The following RHOBTB1 variants were observed in gnomAD, a reference collection of about 807,000 sequenced individuals.
RHOBTB1 encodes the protein rho-related BTB domain-containing protein 1.
In RHOBTB1, 40 loss-of-function variants were observed where a neutral mutation model predicts 71.6. The observed-to-expected ratio is 0.56, with a 90% CI of 0.43 to 0.73. The LOEUF (loss-of-function observed/expected upper bound fraction) is 0.73. RHOBTB1 is among the 30% of genes least tolerant of loss of function. RHOBTB1 has a pLI of 0.00. For synonymous variants in RHOBTB1, 319 were observed against 334.9 expected (o/e 0.95, Z 0.52); for missense variants, 797 against 894.0 (o/e 0.89, Z 1.38).
At chr10:60,887,895 A>G (rs1011146849) in intron 6 of RHOBTB1, among the ~76,000 whole-genome samples, 1 of 152,138 alleles carries the variant, frequency 6.6e-6, no homozygotes, top group Non-Finnish European at 1.5e-5. Flanking sequence ...ATGGTGGTTT[A>G]TGGAACAGGT....
chr10:60,938,776 C>T (rs957624624), intron 2 of RHOBTB1, among the ~76,000 whole-genome samples: 6 of 152,038 alleles, frequency 3.9e-5, no homozygotes, highest in Admixed American at 1.3e-4. Flanking sequence ...TCTTAGACAG[C>T]GTTGGGTGCA....
intron 2 of RHOBTB1, among the ~76,000 whole-genome samples, chr10:60,980,754 TC>T (rs1332877807): frequency 2.0e-5 from 3 of 152,206 alleles, no homozygotes; most frequent in Non-Finnish European, 4.4e-5. Context: ...TTCTACTCAA[TC>T]TTTCTGGCAG....
At chr10:60,880,052 G>C (rs972488330) in intron 7 of RHOBTB1, among the ~76,000 whole-genome samples, 1 of 152,124 alleles carries the variant, frequency 6.6e-6, no homozygotes, top group African/African-American at 2.4e-5. Context: ...GTATACAGGA[G>C]GATGTGCACA....
At chr10:60,899,741 A>G (rs2082324430) in intron 4 of RHOBTB1, among the ~76,000 whole-genome samples, 1 of 152,182 alleles carries the variant, frequency 6.6e-6, no homozygotes, top group Admixed American at 6.5e-5. Context: ...AAAGACACAA[A>G]CTGCTGTCCT....
chr10:60,928,572 T>G (rs1286696861), intron 2 of RHOBTB1, among the ~76,000 whole-genome samples: 1 of 151,474 alleles, frequency 6.6e-6, no homozygotes, highest in Non-Finnish European at 1.5e-5. Flanking sequence ...TCCAAAAAAT[T>G]TGAGCTCATG....
intron 2 of RHOBTB1, among the ~76,000 whole-genome samples, chr10:60,912,437 T>C (rs927236740): frequency 2.6e-4 from 40 of 152,264 alleles, no homozygotes; most frequent in African/African-American, 8.7e-4. Flanking sequence ...TTTTACCATG[T>C]TGGCCAGCTG....
Position 60,888,431 on chromosome 10 carries a change from T to G in RHOBTB1, c.1237A>C (p.Thr413Pro). The change falls in exon 6 of 11, where the codon ACC becomes CCC. Residue 413 changes from threonine to proline, a missense_variant. Physicochemically the swap from Thr to Pro is conservative, Grantham distance 38. Around this residue, in one of 2 missense-constraint regions of RHOBTB1, gnomAD observed 658 missense variants for 681.5 expected, o/e 0.97. Coordinates refer to ENST00000337910, the MANE Select transcript of RHOBTB1 (RefSeq NM_014836.5). ...DASVQPGPFR[T>P]LLQFLYTGQL... ...CCCGTATAAAGAAACTGGAGCAGGG[T>G]CCGAAAAGGGCCTGGCTGGACTGAA... 1 of 1,614,088 alleles carries G rather than the reference T, an allele frequency of 6.2e-7. No individual in the cohort carries two copies.
chr10:60,933,787 A>T (rs956813327), intron 2 of RHOBTB1, among the ~76,000 whole-genome samples: 1 of 150,436 alleles, frequency 6.6e-6, no homozygotes, highest in Non-Finnish European at 1.5e-5. Context: ...GAGATGGATT[A>T]AAAAAAAACT....
At chr10:60,982,718 T>A (rs1426927796) in intron 2 of RHOBTB1, among the ~76,000 whole-genome samples, 1 of 152,202 alleles carries the variant, frequency 6.6e-6, no homozygotes, top group Non-Finnish European at 1.5e-5. Context: ...ACTGTTAGAC[T>A]AATATTACTG....
chr10:60,905,441 CTCTT>C (rs913812037), intron 4 of RHOBTB1, among the ~76,000 whole-genome samples: 2 of 94,788 alleles, frequency 2.1e-5, no homozygotes, highest in Non-Finnish European at 3.6e-5. Context: ...TAGTGAGAGA[CTCTT>C]TCTCAAAAAA....
At chr10:60,978,191 G>T (rs10994587) in intron 2 of RHOBTB1, among the ~76,000 whole-genome samples, 77,648 of 151,824 alleles carry the variant, frequency 0.51, 20,175 homozygotes, top group East Asian at 0.77. Flanking sequence ...CTGAGCTGAG[G>T]CTTTTTATTT....
At chr10:60,962,866 C>CT (rs1324028493) in intron 2 of RHOBTB1, among the ~76,000 whole-genome samples, 1 of 152,146 alleles carries the variant, frequency 6.6e-6, no homozygotes, top group Non-Finnish European at 1.5e-5. Context: ...GATTTTACTA[C>CT]TTTAACTCTT....
At chr10:60,923,681 G>A (rs1295441190) in intron 2 of RHOBTB1, among the ~76,000 whole-genome samples, 1 of 152,184 alleles carries the variant, frequency 6.6e-6, no homozygotes, top group East Asian at 1.9e-4. Flanking sequence ...TAATTCCCAT[G>A]TGTTGTGAGA....
At chr10:60,977,086 G>A (rs892673009) in intron 2 of RHOBTB1, among the ~76,000 whole-genome samples, 5 of 152,058 alleles carry the variant, frequency 3.3e-5, no homozygotes, top group South Asian at 2.1e-4. Context: ...AAGAAGGCAC[G>A]TTTCTAATTA....
chr10:60,979,446 T>A (rs925198924), intron 2 of RHOBTB1, among the ~76,000 whole-genome samples: 2 of 152,070 alleles, frequency 1.3e-5, no homozygotes, highest in Non-Finnish European at 2.9e-5. Flanking sequence ...GGTAAGGGGA[T>A]CAAAATTTTC....
chr10:60,979,949 T>C (rs2086438310), intron 2 of RHOBTB1, among the ~76,000 whole-genome samples: 1 of 152,126 alleles, frequency 6.6e-6, no homozygotes, highest in Non-Finnish European at 1.5e-5. Flanking sequence ...CTATATGTTC[T>C]GGCAGGGTGG....
chr10:60,951,764 G>A (rs192339666), intron 2 of RHOBTB1, among the ~76,000 whole-genome samples: 3 of 147,626 alleles, frequency 2.0e-5, no homozygotes, highest in African/African-American at 5.4e-5. Flanking sequence ...GTTAATAATG[G>A]TAAATGGTTG....
At chr10:60,973,570 A>G (rs2086229142) in intron 2 of RHOBTB1, among the ~76,000 whole-genome samples, 1 of 152,052 alleles carries the variant, frequency 6.6e-6, no homozygotes, top group African/African-American at 2.4e-5. Context: ...TGAGTTTCAT[A>G]TTCAAAAGAA....
chr10:60,962,786 G>C (rs1363811327), intron 2 of RHOBTB1, among the ~76,000 whole-genome samples: 1 of 152,078 alleles, frequency 6.6e-6, no homozygotes, highest in Non-Finnish European at 1.5e-5. Flanking sequence ...TGGTCCCATC[G>C]TAACAATTTT....
Sources: allele counts gnomAD v4.1 joint callset (sites outside exome capture counted in the v4.1 genomes callset), GRCh38; gene constraint gnomAD v4.1.1; regional missense constraint gnomAD v4.1.1; transcripts MANE v1.5; gene names NCBI Gene and HGNC (gene_info 2026-07-23, HGNC 2026-07-21).